The following ANO3 variants were observed in gnomAD, a reference collection of about 807,000 sequenced individuals.
ANO3 encodes the protein anoctamin-3.
A neutral mutation model predicts 144.8 loss-of-function variants in ANO3; 99 were observed. That is an observed-to-expected ratio of 0.68 (90% CI 0.58 to 0.81). The LOEUF is 0.81. Ranked by LOEUF, ANO3 falls within the 30% of genes least tolerant of loss-of-function variation. The probability of loss-of-function intolerance (pLI) is 0.00; values close to 1 mark genes in which losing one functional copy is unlikely to be tolerated. For missense variants in ANO3, 905 were observed against 1,202.2 expected (o/e 0.75, Z 3.66); for synonymous variants, 414 against 392.6 (o/e 1.05, Z -0.64).
At chr11:26,427,857 C>T (rs1857963011) in intron 1 of ANO3, among the ~76,000 whole-genome samples, 1 of 152,086 alleles carries the variant, frequency 6.6e-6, no homozygotes, top group Non-Finnish European at 1.5e-5. Flanking sequence ...ATGGCGGCAG[C>T]AAGAAGAAAT....
At chr11:26,475,007 T>G (rs1320037602) in intron 4 of ANO3, among the ~76,000 whole-genome samples, 1 of 151,936 alleles carries the variant, frequency 6.6e-6, no homozygotes, top group African/African-American at 2.4e-5. Flanking sequence ...TAGTGTATGC[T>G]TCATCACAGA....
chr11:26,274,982 C>T (rs192465289), intron 1 of ANO3, among the ~76,000 whole-genome samples: 2 of 151,918 alleles, frequency 1.3e-5, no homozygotes, highest in Admixed American at 6.5e-5. Flanking sequence ...TTATAAAATA[C>T]TAATTTCATT....
chr11:26,313,814 A>G (rs1473555172), intron 1 of ANO3, among the ~76,000 whole-genome samples: 1 of 151,132 alleles, frequency 6.6e-6, no homozygotes, highest in Non-Finnish European at 1.5e-5. Context: ...ATGTAAATGT[A>G]TGCTTTTTGT....
chr11:26,452,793 T>TG (rs1241772290), intron 3 of ANO3, among the ~76,000 whole-genome samples: 1 of 17,216 alleles, frequency 5.8e-5, no homozygotes, highest in Non-Finnish European at 2.0e-4. Context: ...TTCACCAAAG[T>TG]TAAATGAAGG....
chr11:26,270,853 G>T (rs895445198), intron 1 of ANO3, among the ~76,000 whole-genome samples: 2 of 152,192 alleles, frequency 1.3e-5, no homozygotes, highest in Non-Finnish European at 2.9e-5. Context: ...GATGGTCAGA[G>T]CAGACTTAGG....
chr11:26,273,868 T>C (rs1420581435), intron 1 of ANO3, among the ~76,000 whole-genome samples: 3 of 152,148 alleles, frequency 2.0e-5, no homozygotes, highest in Non-Finnish European at 4.4e-5. Flanking sequence ...TAGAAGGATG[T>C]AGATTGAAGG....
upstream of ANO3, among the ~76,000 whole-genome samples, chr11:26,306,760 T>C (rs1348543069): frequency 6.6e-6 from 1 of 152,224 alleles, no homozygotes. Context: ...CATGACCTTC[T>C]TCCCTGCATT....
chr11:26,204,288 A>T (rs956339893), intron 1 of ANO3, among the ~76,000 whole-genome samples: 1 of 152,004 alleles, frequency 6.6e-6, no homozygotes, highest in Admixed American at 6.6e-5. Flanking sequence ...ATATGTCTGG[A>T]GTTCATTTAC....
chr11:26,488,339 C>T (rs950441931), intron 4 of ANO3, among the ~76,000 whole-genome samples: 4 of 152,068 alleles, frequency 2.6e-5, no homozygotes, highest in African/African-American at 7.2e-5. Flanking sequence ...AATGTTAATC[C>T]CAAGACCATG....
chr11:26,462,501 C>G (rs987671946), intron 3 of ANO3, among the ~76,000 whole-genome samples: 5 of 151,682 alleles, frequency 3.3e-5, no homozygotes, highest in Non-Finnish European at 7.4e-5. Context: ...TCAGTGTTCT[C>G]TGTTCTTTCC....
chr11:26,598,447 G>A lies in ANO3; in HGVS notation c.1530G>A (p.Glu510=). 1.3e-6 allele frequency: 2 copies of A among 1,578,176 alleles called. No homozygotes were observed. Among genetic ancestry groups the A allele is most frequent in the Non-Finnish European group, 1.7e-6 (2 of 1,160,764 alleles). ...TWDLIEWEEE[E]ETLRPQFEAK... Reference sequence around the variant, plus strand: ...ACCTTATCGAATGGGAAGAAGAGGAGGTAAGATGTTAGGATACAAGGAAAT... The same window carrying A: ...ACCTTATCGAATGGGAAGAAGAGGAAGTAAGATGTTAGGATACAAGGAAAT... The change falls in exon 15 of 27, where the codon GAG becomes GAA. Residue 510 remains glutamate (E), a splice_region_variant and synonymous_variant. Coordinates refer to ENST00000256737, the MANE Select transcript of ANO3 (RefSeq NM_031418.4).
At chr11:26,332,770 G>A (rs1201273810) in intron 1 of ANO3, among the ~76,000 whole-genome samples, 2 of 152,056 alleles carry the variant, frequency 1.3e-5, no homozygotes, top group African/African-American at 4.8e-5. Context: ...TGAATTCTTG[G>A]GGGAGTTCCA....
chr11:26,476,924 T>TGG (rs1406114264), intron 4 of ANO3, among the ~76,000 whole-genome samples: 152 of 145,934 alleles, frequency 1.0e-3, no homozygotes, highest in Non-Finnish European at 2.3e-4. Context: ...TGTGTGTGTG[T>TGG]GTGTGTGTGA....
At chr11:26,493,635 A>C (rs1244822695) in intron 4 of ANO3, among the ~76,000 whole-genome samples, 4 of 152,230 alleles carry the variant, frequency 2.6e-5, no homozygotes. Flanking sequence ...TAGAATACTG[A>C]AGTCATTAAA....
chr11:26,512,856 A>G (rs372479286), intron 5 of ANO3, among the ~76,000 whole-genome samples: 2 of 152,256 alleles, frequency 1.3e-5, no homozygotes, highest in South Asian at 4.1e-4. Context: ...GTCCAGGCTT[A>G]TTTGCTTTCT....
At position 26,299,401 on chromosome 11, in the gene ANO3, C is replaced by T. The variant is rs145174625; in HGVS notation, c.155-10244C>T. On this transcript the variant is annotated intron_variant, in intron 1 of 27. Transcript: ENST00000672621. The stretch of plus-strand genomic sequence containing the variant: ...GTGATAAGAGGAAAATAAATAAATA[C>T]TGTAGAGGATTTTTGAAAAATGAAT... 2.9e-3 allele frequency among the ~76,000 whole-genome samples: 439 copies of T among 152,268 alleles called. 4 individuals carry two copies. Among genetic ancestry groups the T allele is most frequent in the African/African-American group, 9.8e-3 (406 of 41,552 alleles).
chr11:26,430,113 T>C (rs1268718526), intron 1 of ANO3, among the ~76,000 whole-genome samples: 1 of 151,854 alleles, frequency 6.6e-6, no homozygotes, highest in Non-Finnish European at 1.5e-5. Context: ...ATAAAAAGAT[T>C]AACCAGGCAT....
chr11:26,243,204 G>A (rs575199739), intron 1 of ANO3, among the ~76,000 whole-genome samples: 6 of 152,060 alleles, frequency 3.9e-5, no homozygotes, highest in Non-Finnish European at 8.8e-5. Context: ...GTTGTTGCCA[G>A]GCTGGGTTTT....
intron 4 of ANO3, among the ~76,000 whole-genome samples, chr11:26,501,517 C>CTTGT (rs1233472448): frequency 6.6e-6 from 1 of 151,554 alleles, no homozygotes; most frequent in Non-Finnish European, 1.5e-5. Flanking sequence ...TTGTTACATC[C>CTTGT]TTGTTTTGCC....
Sources: allele counts gnomAD v4.1 joint callset (sites outside exome capture counted in the v4.1 genomes callset), GRCh38; gene constraint gnomAD v4.1.1; transcripts MANE v1.5; gene names NCBI Gene and HGNC (gene_info 2026-07-23, HGNC 2026-07-21).